ZFHX3: variants seen among roughly 807,000 people sequenced by gnomAD.
The protein encoded by ZFHX3 is zinc finger homeobox protein 3.
A neutral mutation model predicts 279.1 loss-of-function variants in ZFHX3; 42 were observed. The observed-to-expected ratio is 0.15, with a 90% CI of 0.12 to 0.19. The LOEUF (loss-of-function observed/expected upper bound fraction) is 0.19. ZFHX3 is among the 10% of genes least tolerant of loss of function. ZFHX3 has a pLI of 1.00. For missense variants in ZFHX3, 4,981 were observed against 4,754.0 expected, an observed-to-expected ratio of 1.05 and a Z score of -1.40; for synonymous variants, 2,293 against 1,957.8, an observed-to-expected ratio of 1.17 and a Z score of -4.52.
chr16:73,577,911 A>T (rs2051817426), intron 2 of ZFHX3, among the ~76,000 whole-genome samples: 1 of 152,190 alleles, frequency 6.6e-6, no homozygotes, highest in African/African-American at 2.4e-5. Context: ...ACCCATTCCA[A>T]ATTAGGCTAC....
At chr16:73,065,367 C>T (rs1164526006) in intron 8 of ZFHX3, among the ~76,000 whole-genome samples, 2 of 152,040 alleles carry the variant, frequency 1.3e-5, no homozygotes, top group South Asian at 2.1e-4. Context: ...GAATTGAGTG[C>T]CTCTTACCCA....
chr16:73,605,392 C>T (rs1169951083), intron 2 of ZFHX3, among the ~76,000 whole-genome samples: 1 of 152,180 alleles, frequency 6.6e-6, no homozygotes, highest in Admixed American at 6.5e-5. Context: ...GCCTGAAACA[C>T]ATTTTACGCT....
In ZFHX3 at chr16:72,797,729, C is replaced by T. The variant is rs758724659; in HGVS notation, c.4953G>A (p.Thr1651=). 6 of 1,614,038 alleles carry T rather than the reference C, an allele frequency of 3.7e-6. No individual in the cohort carries two copies. The highest frequency in any genetic ancestry group is 2.2e-5 in the South Asian group (2 of 91,078). The part of the protein sequence containing the change: ...NSSSISLSSS[T]PSPVSTSGSN... Reference sequence around the variant, plus strand: ...TGCCACTGGTGCTCACAGGACTTGGCGTGGAGGAGCTCAAGGAAATACTGC... The same window carrying T: ...TGCCACTGGTGCTCACAGGACTTGGTGTGGAGGAGCTCAAGGAAATACTGC... Residue 1651 remains threonine, a synonymous_variant, in exon 9 of 10, where the codon ACG becomes ACA. Coordinates refer to ENST00000268489, the MANE Select transcript of ZFHX3 (RefSeq NM_006885.4).
chr16:72,903,703 A>G (rs905438447), intron 3 of ZFHX3, among the ~76,000 whole-genome samples: 4 of 152,220 alleles, frequency 2.6e-5, no homozygotes, highest in Admixed American at 1.3e-4. Context: ...AGATCATGAA[A>G]TGGGTCGCAC....
At chr16:72,906,203 C>T (rs945985559) in intron 3 of ZFHX3, among the ~76,000 whole-genome samples, 12 of 151,974 alleles carry the variant, frequency 7.9e-5, no homozygotes, top group African/African-American at 1.9e-4. Context: ...ACTGGAAGGC[C>T]GGCCCGGGAA....
intron 5 of ZFHX3, among the ~76,000 whole-genome samples, chr16:73,198,000 C>T (rs1444417380): frequency 2.3e-5 from 3 of 129,284 alleles, no homozygotes; most frequent in African/African-American, 9.0e-5. Flanking sequence ...TGCAGTGGCA[C>T]GATCTCGGCT....
intron 5 of ZFHX3, among the ~76,000 whole-genome samples, chr16:73,217,197 C>T (rs950906525): frequency 6.6e-6 from 1 of 152,312 alleles, no homozygotes; most frequent in Non-Finnish European, 1.5e-5. Flanking sequence ...TATCGATCCT[C>T]AAGGCTCCAT....
At chr16:73,725,976 C>T (rs1387531960) in intron 1 of ZFHX3, among the ~76,000 whole-genome samples, 1 of 152,084 alleles carries the variant, frequency 6.6e-6, no homozygotes, top group East Asian at 1.9e-4. Context: ...TTTCACCATC[C>T]ATTAAATAAA....
At chr16:73,537,843 G>T (rs370939208) in intron 2 of ZFHX3, among the ~76,000 whole-genome samples, 6 of 152,286 alleles carry the variant, frequency 3.9e-5, no homozygotes, top group African/African-American at 1.4e-4. Context: ...ACCATTTAGG[G>T]TCGTGGCTTT....
chr16:73,156,748 T>C (rs1207787611), intron 5 of ZFHX3, among the ~76,000 whole-genome samples: 6 of 150,954 alleles, frequency 4.0e-5, no homozygotes. Context: ...AGAGTCTAGC[T>C]CTGTCACCAG....
chr16:73,242,924 C>G (rs148951465), intron 5 of ZFHX3, among the ~76,000 whole-genome samples: 267 of 152,330 alleles, frequency 1.8e-3, no homozygotes, highest in Middle Eastern at 3.4e-3. Context: ...AATAATGAAT[C>G]ACGAGGCATT....
intron 5 of ZFHX3, among the ~76,000 whole-genome samples, chr16:73,235,403 A>ACT: frequency 6.6e-6 from 1 of 151,658 alleles, no homozygotes; most frequent in South Asian, 2.1e-4. Context: ...TATTTTAACC[A>ACT]CTCTATCCTC....
chr16:73,815,537 T>C (rs1424772029), intron 1 of ZFHX3: 1 of 152,014 alleles, frequency 6.6e-6, no homozygotes, highest in East Asian at 1.9e-4. Flanking sequence ...TCTCATCTAC[T>C]GTTTACCTAT....
At chr16:73,192,815 T>C (rs7186926) in intron 5 of ZFHX3, among the ~76,000 whole-genome samples, 36,310 of 152,130 alleles carry the variant, frequency 0.24, 4,680 homozygotes, top group Non-Finnish European at 0.3. Context: ...AATGGGGTCA[T>C]TCATTTCCTT....
intron 3 of ZFHX3, among the ~76,000 whole-genome samples, chr16:73,378,023 T>A (rs2016752317): frequency 1.4e-5 from 1 of 72,048 alleles, no homozygotes; most frequent in Non-Finnish European, 2.7e-5. Flanking sequence ...ACAGAGAGAC[T>A]CTGTCTCAAA....
intron 1 of ZFHX3, among the ~76,000 whole-genome samples, chr16:73,028,625 A>G (rs1322590299): frequency 6.6e-6 from 1 of 152,158 alleles, no homozygotes; most frequent in Non-Finnish European, 1.5e-5. Context: ...TCCATCTCCA[A>G]TAACCTCAAC....
Position 73,619,479 on chromosome 16 carries a change from CTG to C in ZFHX3, c.-1547+60699_-1547+60700del, listed in dbSNP as rs1224758373. ...CTTCAGCCTGGGTGACAGAGCGATA[CTG>C]TGTCTCAAAAAAAAAAAATTATATA... On this transcript the variant is annotated intron_variant, in intron 2 of 17. Transcript: ENST00000641206. Among the ~76,000 whole-genome samples, 48 of 81,028 alleles carry C rather than the reference CTG, an allele frequency of 5.9e-4. No individual in the cohort carries two copies. The East Asian group carries it at 0.019, about 33-fold the overall frequency. The allele number at this position is 81,028 out of a possible 152,430, so 53.2% of individuals were successfully genotyped here.
At chr16:72,802,141 G>C (rs944890907) in intron 7 of ZFHX3, among the ~76,000 whole-genome samples, 2 of 152,132 alleles carry the variant, frequency 1.3e-5, no homozygotes, top group Admixed American at 1.3e-4. Context: ...CCCTCTAACA[G>C]ACTCAGTACG....
At chr16:73,830,537 C>A (rs145803973) in intron 1 of ZFHX3, among the ~76,000 whole-genome samples, 2 of 152,256 alleles carry the variant, frequency 1.3e-5, no homozygotes, top group Non-Finnish European at 2.9e-5. Context: ...ACCTCTGATT[C>A]TTCCCACACA....
Sources: gnomAD v4.1 joint callset for allele counts (sites outside exome capture counted in the v4.1 genomes callset) on GRCh38, gnomAD v4.1.1 for gene constraint, MANE v1.5 for transcripts, NCBI Gene and HGNC (gene_info 2026-07-23, HGNC 2026-07-21) for gene names.